The following RIMS4 variants were observed in gnomAD, a reference collection of about 807,000 sequenced individuals.
RIMS4 encodes regulating synaptic membrane exocytosis 4.
Under a neutral mutation model 29.0 loss-of-function variants are expected in RIMS4, and 9 were observed. That is an observed-to-expected ratio of 0.31 (90% CI 0.19 to 0.54). RIMS4 has a LOEUF of 0.54. RIMS4 is among the 20% of genes least tolerant of loss of function. The pLI, the probability that RIMS4 is intolerant of heterozygous loss-of-function variation, is 0.94. For missense variants in RIMS4, 193 were observed against 365.7 expected, an observed-to-expected ratio of 0.53 and a Z score of 3.85; for synonymous variants, 130 against 152.9, an observed-to-expected ratio of 0.85 and a Z score of 1.10.
intron 1 of RIMS4, among the ~76,000 whole-genome samples, chr20:44,791,865 G>A (rs759270318): frequency 2.6e-5 from 4 of 152,160 alleles, no homozygotes; most frequent in Non-Finnish European, 4.4e-5. Context: ...GGAGCTGATC[G>A]TGGTCCCACC....
At chr20:44,801,018 T>G (rs2066275450) in intron 1 of RIMS4, among the ~76,000 whole-genome samples, 1 of 152,220 alleles carries the variant, frequency 6.6e-6, no homozygotes, top group South Asian at 2.1e-4. Context: ...TTGGATGTCT[T>G]CTATGTGTTG....
In RIMS4 at chr20:44,755,801, CA is replaced by C; in HGVS notation, c.*332del. ...TCTGGGCAGCGAGCTTCCGAGGAGG[CA>C]AAAAGGGGGAGAAGTTGGACAGTTT... On this transcript the variant is annotated 3_prime_UTR_variant, in exon 6 of 6. Coordinates refer to ENST00000372851, the MANE Select transcript of RIMS4 (RefSeq NM_182970.4). 7.7e-6 allele frequency: 2 copies of C among 258,336 alleles called. No homozygotes were observed. The highest frequency in any genetic ancestry group is 1.5e-5 in the Non-Finnish European group (2 of 133,286). The allele number at this position is 258,336 out of a possible 1,614,324, so 16.0% of individuals were successfully genotyped here. A position where few individuals can be genotyped will look rare whatever the true frequency, so the allele number is the denominator to read the frequency against.
chr20:44,757,925 C>G lies in RIMS4; in HGVS notation c.349+147G>C, dbSNP rs1037363794. ...ACTCCCACCAAGTGCCTAGGCTCTG[C>G]TGAGGGCTTGAGAGTGTGCCCTGGG... On this transcript the variant is annotated intron_variant, in intron 3 of 5. Coordinates refer to ENST00000372851, the MANE Select transcript of RIMS4 (RefSeq NM_182970.4). The G allele has an allele frequency of 4.3e-5, 40 of 940,290 alleles. No individual in the cohort carries two copies. The Admixed American group carries it at 7.3e-4, about 17-fold the overall frequency. The allele number at this position is 940,290 out of a possible 1,614,324, so 58.2% of individuals were successfully genotyped here.
chr20:44,797,361 G>A (rs2066259322), intron 1 of RIMS4, among the ~76,000 whole-genome samples: 1 of 152,172 alleles, frequency 6.6e-6, no homozygotes, highest in Non-Finnish European at 1.5e-5. Flanking sequence ...AATATCTACT[G>A]TCTGGCCCTT....
intron 1 of RIMS4, among the ~76,000 whole-genome samples, chr20:44,788,734 T>G (rs1480723208): frequency 2.0e-5 from 3 of 151,958 alleles, no homozygotes; most frequent in African/African-American, 7.3e-5. Flanking sequence ...TGCACTAAAA[T>G]CTGGGTGACA....
intron 2 of RIMS4, among the ~76,000 whole-genome samples, chr20:44,764,046 TTATCC>T (rs2066098156): frequency 1.6e-5 from 1 of 60,964 alleles, no homozygotes; most frequent in Non-Finnish European, 3.5e-5. Flanking sequence ...ATCCATCCAT[TTATCC>T]ATCCATCCAT....
chr20:44,801,886 T>G (rs1017991542), intron 1 of RIMS4, among the ~76,000 whole-genome samples: 2 of 152,148 alleles, frequency 1.3e-5, no homozygotes, highest in Non-Finnish European at 2.9e-5. Flanking sequence ...CCAGGAGATA[T>G]CCCACGTTGG....
chr20:44,756,128 C>A lies in RIMS4; in HGVS notation c.*6G>T. 1 of 1,587,004 alleles carries A rather than the reference C, an allele frequency of 6.3e-7. No homozygotes were observed. Among genetic ancestry groups the A allele is most frequent in the South Asian group, 1.1e-5 (1 of 87,694 alleles). ...CCATCTTGGGGAGCCCCTCCCCATT[C>A]CAGCACTAAGATCGTTCTCCGCAGG... On this transcript the variant is annotated 3_prime_UTR_variant, in exon 6 of 6. Transcript: ENST00000372851. The surrounding 1 kb of genome is among the most constrained non-coding windows in gnomAD (Gnocchi z 5.9).
At chr20:44,772,610 G>A (rs902479815) in intron 1 of RIMS4, among the ~76,000 whole-genome samples, 1 of 152,228 alleles carries the variant, frequency 6.6e-6, no homozygotes, top group African/African-American at 2.4e-5. Flanking sequence ...ACAGCCCCGG[G>A]AGGGTGTCTG....
At position 44,793,906 on chromosome 20, in the gene RIMS4, C is replaced by CA. The variant is rs151117412; in HGVS notation, c.97+16268dup. On this transcript the variant is annotated intron_variant, in intron 1 of 5. Transcript: ENST00000372851. ...GCAACATAGCGAGATTCTGTCTCTA[C>CA]AAAAAAAATAAAATTAGCTGGGCAG... 4.6e-3 allele frequency among the ~76,000 whole-genome samples: 699 copies of CA among 151,870 alleles called. 23 individuals are homozygous for CA. The East Asian group carries it at 0.11, about 23-fold the overall frequency.
chr20:44,775,453 A>C (rs1661785706), intron 1 of RIMS4, among the ~76,000 whole-genome samples: 1 of 152,132 alleles, frequency 6.6e-6, no homozygotes, highest in Admixed American at 6.5e-5. Context: ...AGTGTCTGGA[A>C]ATGTATGACC....
intron 2 of RIMS4, among the ~76,000 whole-genome samples, chr20:44,760,603 C>T (rs1029694688): frequency 2.0e-5 from 3 of 152,186 alleles, no homozygotes; most frequent in Non-Finnish European, 2.9e-5. Context: ...AGTGTCTGAG[C>T]ACCACAATAA....
At chr20:44,787,697 G>GAA (rs74852845) in intron 1 of RIMS4, among the ~76,000 whole-genome samples, 6 of 123,834 alleles carry the variant, frequency 4.8e-5, no homozygotes, top group African/African-American at 8.8e-5. Flanking sequence ...TTTTCTCCAG[G>GAA]AAAAAAAAAA....
chr20:44,772,038 G>T (rs765935950), intron 1 of RIMS4, among the ~76,000 whole-genome samples: 18 of 152,168 alleles, frequency 1.2e-4, no homozygotes, highest in Non-Finnish European at 2.1e-4. Context: ...TCAAATCCTG[G>T]ATATCTATCT....
At chr20:44,771,566 C>A in intron 1 of RIMS4, 153 bp from the exon 2 acceptor site, 1 of 680,172 alleles carries the variant, frequency 1.5e-6, no homozygotes. Context: ...AGACTCCTGG[C>A]CTCACCAGTA....
chr20:44,762,231 C>T (rs749758387), intron 2 of RIMS4, among the ~76,000 whole-genome samples: 51 of 152,204 alleles, frequency 3.4e-4, no homozygotes, highest in Non-Finnish European at 6.6e-4. Context: ...GCTCGCCCAC[C>T]GCTCACCTGC....
chr20:44,785,913 T>C (rs2066206561), intron 1 of RIMS4, among the ~76,000 whole-genome samples: 1 of 152,172 alleles, frequency 6.6e-6, no homozygotes, highest in South Asian at 2.1e-4. Flanking sequence ...TGGTGTTGTC[T>C]GCCAAGATCC....
intron 1 of RIMS4, among the ~76,000 whole-genome samples, chr20:44,777,165 T>C (rs1233107568): frequency 6.6e-6 from 1 of 152,192 alleles, no homozygotes; most frequent in African/African-American, 2.4e-5. Context: ...CGTGAGCTCA[T>C]TCGTCATTTA....
chr20:44,778,502 C>A (rs1373109667), intron 1 of RIMS4, among the ~76,000 whole-genome samples: 3 of 152,040 alleles, frequency 2.0e-5, no homozygotes, highest in African/African-American at 7.2e-5. Context: ...ATAGTGAGAC[C>A]CTGCCTCTAT....
Sources: allele counts gnomAD v4.1 joint callset (sites outside exome capture counted in the v4.1 genomes callset), GRCh38; gene constraint gnomAD v4.1.1; non-coding constraint Gnocchi (gnomAD v3.1); transcripts MANE v1.5; gene names NCBI Gene and HGNC (gene_info 2026-07-23, HGNC 2026-07-21).